MGAT5: variants seen among roughly 807,000 people sequenced by gnomAD.
MGAT5 encodes alpha-1,6-mannosylglycoprotein 6-beta-N-acetylglucosaminyltransferase, also known as alpha-1,6-mannosylglycoprotein 6-beta-N-acetylglucosaminyltransferase A.
In MGAT5, 30 loss-of-function variants were observed where a neutral mutation model predicts 94.3. That is an observed-to-expected ratio of 0.32 (90% CI 0.24 to 0.43). The LOEUF (loss-of-function observed/expected upper bound fraction) is 0.43. MGAT5 is among the 20% of genes least tolerant of loss of function. The pLI, the probability that MGAT5 is intolerant of heterozygous loss-of-function variation, is 1.00. For synonymous variants in MGAT5, 310 were observed against 322.9 expected, an observed-to-expected ratio of 0.96 and a Z score of 0.43; for missense variants, 691 against 905.5, an observed-to-expected ratio of 0.76 and a Z score of 3.04.
At chr2:134,126,128 G>A (rs1685828747) in intron 1 of MGAT5, among the ~76,000 whole-genome samples, 1 of 152,232 alleles carries the variant, frequency 6.6e-6, no homozygotes, top group Admixed American at 6.5e-5. Context: ...GCCATACTTT[G>A]TGGAATCTTC....
chr2:134,231,313 T>G (rs1681352279), intron 1 of MGAT5: 1 of 152,244 alleles, frequency 6.6e-6, no homozygotes, highest in African/African-American at 2.4e-5. Flanking sequence ...GTTGTAATGC[T>G]TGTACAACTC....
Position 134,270,524 on chromosome 2 carries a change from T to C in MGAT5, c.380T>C (p.Val127Ala). The C allele has an allele frequency of 6.2e-7, 1 of 1,614,188 alleles. No individual in the cohort carries two copies. The highest frequency in any genetic ancestry group is 8.5e-7 in the Non-Finnish European group (1 of 1,180,016). ...TCCACTACAGCTGTTCCCAGCTTGG[T>C]TGCACTTGAGAAAATTAATGTGGCA... ...TNSTTAVPSL[V>A]ALEKINVADI... Residue 127 changes from valine to alanine, a missense_variant, in exon 2 of 16, where the codon GTT (valine) becomes GCT (alanine). This residue lies in a region of MGAT5 where 307 missense variants were observed against 335.4 expected (regional missense o/e 0.92). Transcript: ENST00000281923.
chr2:134,409,665 C>T (rs1683534673), intron 11 of MGAT5, among the ~76,000 whole-genome samples: 2 of 152,188 alleles, frequency 1.3e-5, no homozygotes, highest in Admixed American at 1.3e-4. Flanking sequence ...CAATGTTCCC[C>T]ATCAAGAGTG....
At chr2:134,204,718 T>A (rs1558986739) in intron 1 of MGAT5, among the ~76,000 whole-genome samples, 2 of 152,322 alleles carry the variant, frequency 1.3e-5, no homozygotes, top group Non-Finnish European at 1.5e-5. Flanking sequence ...GGACTTGATA[T>A]TGCTCTTCAA....
chr2:134,205,406 AT>A (rs1359171638), intron 1 of MGAT5, among the ~76,000 whole-genome samples: 1 of 151,994 alleles, frequency 6.6e-6, no homozygotes, highest in Non-Finnish European at 1.5e-5. Flanking sequence ...TTTGGGGTAC[AT>A]TTTGGAGGCA....
chr2:134,438,211 T>C (rs1685277196), intron 14 of MGAT5, among the ~76,000 whole-genome samples: 1 of 152,168 alleles, frequency 6.6e-6, no homozygotes, highest in African/African-American at 2.4e-5. Context: ...ATGTTTAAGA[T>C]ATATATGAAA....
At chr2:134,414,437 C>T (rs1683853042) in intron 12 of MGAT5, among the ~76,000 whole-genome samples, 1 of 152,142 alleles carries the variant, frequency 6.6e-6, no homozygotes, top group South Asian at 2.1e-4. Flanking sequence ...TTCTTTGAAA[C>T]TTTGGAGTTT....
chr2:134,219,683 C>A (rs1014918527), intron 1 of MGAT5, among the ~76,000 whole-genome samples: 1 of 152,156 alleles, frequency 6.6e-6, no homozygotes, highest in Admixed American at 6.5e-5. Context: ...TTGTTGGGAC[C>A]TAACTACTCA....
rs973966955 is a variant in MGAT5 at position 134,348,876 on chromosome 2, A to G, written c.1113-929A>G. Among the ~76,000 whole-genome samples, 17 of 152,304 alleles carry G rather than the reference A, an allele frequency of 1.1e-4. 2 individuals are homozygous for G. Among genetic ancestry groups the G allele is most frequent in the Admixed American group, 7.2e-4 (11 of 15,294 alleles). ...CAACTGGTTGCTCTTCGTGCACTCT[A>G]GAGCAGTGGTCAGAAAACCTTCTGA... On this transcript the variant is annotated intron_variant, in intron 8 of 15. Transcript: ENST00000281923.
intron 1 of MGAT5, among the ~76,000 whole-genome samples, chr2:134,181,461 A>G (rs1002506182): frequency 3.0e-4 from 45 of 152,182 alleles, no homozygotes; most frequent in African/African-American, 1.0e-3. Flanking sequence ...GGGTGGGGCA[A>G]CGGAAAAGGT....
intron 10 of MGAT5, among the ~76,000 whole-genome samples, chr2:134,375,105 C>T (rs1336038698): frequency 6.6e-6 from 1 of 152,160 alleles, no homozygotes; most frequent in Admixed American, 6.5e-5. Flanking sequence ...GATTGAGCTC[C>T]TTGAGGAGAT....
chr2:134,311,018 A>G (rs1206887369), intron 2 of MGAT5, among the ~76,000 whole-genome samples: 1 of 152,218 alleles, frequency 6.6e-6, no homozygotes, highest in Non-Finnish European at 1.5e-5. Context: ...TGCCAAGAGA[A>G]ATGCTACCTT....
At position 134,452,737 on chromosome 2, in the gene MGAT5, T is replaced by C. The variant is rs530706137; in HGVS notation, c.*3890T>C. 1 of 152,394 alleles carries C rather than the reference T, an allele frequency of 6.6e-6. No individual in the cohort carries two copies. Among genetic ancestry groups the C allele is most frequent in the South Asian group, 2.1e-4 (1 of 4,834 alleles). 9.4% of individuals were successfully genotyped at this position (152,394 alleles called of 1,614,324 possible). On this transcript the variant is annotated 3_prime_UTR_variant, in exon 16 of 16. Coordinates refer to ENST00000281923, the MANE Select transcript of MGAT5 (RefSeq NM_002410.5). ...ACAGGCTCTGTTGTATGTGTTACTATCCCAAGCCTGGATTATTTTATTTAT... is the reference window on the plus strand; with the variant it reads ...ACAGGCTCTGTTGTATGTGTTACTACCCCAAGCCTGGATTATTTTATTTAT...
chr2:134,417,073 A>G (rs1311818099), intron 12 of MGAT5, among the ~76,000 whole-genome samples: 2 of 152,054 alleles, frequency 1.3e-5, no homozygotes, highest in African/African-American at 4.8e-5. Flanking sequence ...CCTTTTGCCC[A>G]TTGTAATGCT....
intron 8 of MGAT5, among the ~76,000 whole-genome samples, chr2:134,347,920 G>T (rs1162812025): frequency 6.6e-6 from 1 of 152,202 alleles, no homozygotes; most frequent in African/African-American, 2.4e-5. Flanking sequence ...GACTCACAAA[G>T]TAGTGCTGGT....
At chr2:134,369,413 A>G (rs879851148) in intron 10 of MGAT5, among the ~76,000 whole-genome samples, 2 of 152,324 alleles carry the variant, frequency 1.3e-5, no homozygotes, top group Middle Eastern at 3.4e-3. Context: ...GGGAAATGGG[A>G]ACCTGGCTCT....
intron 10 of MGAT5, among the ~76,000 whole-genome samples, chr2:134,365,582 TA>T (rs1277296343): frequency 5.3e-5 from 8 of 152,128 alleles, no homozygotes; most frequent in Non-Finnish European, 1.2e-4. Context: ...GTTGAGAGGA[TA>T]ATGCATTCCT....
chr2:134,400,147 C>A (rs1682950272), intron 10 of MGAT5, among the ~76,000 whole-genome samples: 1 of 152,124 alleles, frequency 6.6e-6, no homozygotes, highest in African/African-American at 2.4e-5. Context: ...GGGGACAGAA[C>A]CACAGGTGCA....
intron 2 of MGAT5, among the ~76,000 whole-genome samples, chr2:134,299,939 C>G (rs1685917316): frequency 6.6e-6 from 1 of 152,112 alleles, no homozygotes; most frequent in Non-Finnish European, 1.5e-5. Flanking sequence ...TCTCTGAATA[C>G]CTGTAAGCTC....
Sources: allele counts gnomAD v4.1 joint callset (sites outside exome capture counted in the v4.1 genomes callset), GRCh38; gene constraint gnomAD v4.1.1; regional missense constraint gnomAD v4.1.1; transcripts MANE v1.5; gene names NCBI Gene and HGNC (gene_info 2026-07-23, HGNC 2026-07-21).